Variants in FAM3D observed in about 807,000 individuals in gnomAD.
FAM3D encodes protein FAM3D.
FAM3D carries 26 observed loss-of-function variants against 29.8 expected under a neutral mutation model. The ratio of observed to expected loss-of-function variants is 0.87; its 90% CI spans 0.64 to 1.21. The LOEUF is 1.21. Among genes scored for constraint, FAM3D ranks in the 50% most tolerant of loss-of-function variants. The probability of loss-of-function intolerance (pLI) is 0.00; values close to 1 mark genes in which losing one functional copy is unlikely to be tolerated. For missense variants in FAM3D, 253 were observed against 290.9 expected (o/e 0.87, Z 0.95); for synonymous variants, 115 against 102.3 (o/e 1.12, Z -0.75).
intron 8 of FAM3D, 33 bp from the exon 9 acceptor site, chr3:58,636,453 G>C (rs779075510): frequency 1.9e-6 from 3 of 1,611,184 alleles, no homozygotes; most frequent in African/African-American, 1.3e-5. Flanking sequence ...GTCAGGATGC[G>C]GGGGTGGGTC....
At position 58,660,803 on chromosome 3, in the gene FAM3D, G is replaced by A. The variant is rs1157180463; in HGVS notation, c.-38-5202C>T. 1.3e-5 allele frequency among the ~76,000 whole-genome samples: 2 copies of A among 152,148 alleles called. 1 individual carries two copies. Among genetic ancestry groups the A allele is most frequent in the Non-Finnish European group, 2.9e-5 (2 of 68,034 alleles). ...AACGCCACATGCCAGATACTACCCT[G>A]AGACTCTGACTTATTTTAACTTGTT... On this transcript the variant is annotated intron_variant, in intron 1 of 9. Coordinates refer to ENST00000358781, the MANE Select transcript of FAM3D (RefSeq NM_138805.3).
At chr3:58,663,725 G>A (rs1480015163) in intron 1 of FAM3D, among the ~76,000 whole-genome samples, 2 of 152,106 alleles carry the variant, frequency 1.3e-5, no homozygotes, top group African/African-American at 4.8e-5. Flanking sequence ...AAGCCACACT[G>A]CTCCTGTCAT....
chr3:58,661,599 T>C (rs1312996036), intron 1 of FAM3D, among the ~76,000 whole-genome samples: 1 of 152,200 alleles, frequency 6.6e-6, no homozygotes, highest in Non-Finnish European at 1.5e-5. Context: ...GCCTGGGAAT[T>C]GGGAGTCTGT....
chr3:58,665,456 G>A (rs2067012192), intron 1 of FAM3D, among the ~76,000 whole-genome samples: 1 of 152,056 alleles, frequency 6.6e-6, no homozygotes, highest in Admixed American at 6.6e-5. Flanking sequence ...TATCTCCATG[G>A]TGTATGTCAA....
At chr3:58,663,132 C>T (rs2066964197) in intron 1 of FAM3D, among the ~76,000 whole-genome samples, 1 of 152,228 alleles carries the variant, frequency 6.6e-6, no homozygotes, top group Non-Finnish European at 1.5e-5. Flanking sequence ...CTCCTGACCT[C>T]AAGTGATCCA....
rs576484572 is a variant in FAM3D at position 58,634,907 on chromosome 3, G to A, written c.586-539C>T. 1.3e-5 allele frequency among the ~76,000 whole-genome samples: 2 copies of A among 152,138 alleles called. No individual in the cohort carries two copies. The highest frequency in any genetic ancestry group is 4.8e-5 in the African/African-American group (2 of 41,412). On this transcript the variant is annotated intron_variant, in intron 9 of 9. Coordinates refer to ENST00000358781, the MANE Select transcript of FAM3D (RefSeq NM_138805.3). This position sits in a 1 kb window ranked among gnomAD's most constrained non-coding sequence, Gnocchi z 4.6. The stretch of plus-strand genomic sequence containing the variant: ...CTAATAATAAGGGGTGGGGTGCAGT[G>A]GCTCACACCTATCATCCCAGCACTT...
In FAM3D at chr3:58,653,777, C is replaced by T. The variant is rs1171433268; in HGVS notation, c.18G>A (p.Val6=). The change falls in exon 3 of 10, where the codon GTG becomes GTA. Residue 6 remains valine (V), a synonymous_variant. Coordinates refer to ENST00000358781, the MANE Select transcript of FAM3D (RefSeq NM_138805.3). ...CAAAGATGAGGGCCAGGAGGCGAAGCACACCTGCTGAGCAAGGGGATGCTG... is the reference window on the plus strand; with the variant it reads ...CAAAGATGAGGGCCAGGAGGCGAAGTACACCTGCTGAGCAAGGGGATGCTG... MRVSG[V]LRLLALIFAI... is the part of the protein sequence containing the mutation. 21 of 1,613,220 alleles carry T rather than the reference C, an allele frequency of 1.3e-5. No homozygotes were observed. The highest frequency in any genetic ancestry group is 1.7e-5 in the Non-Finnish European group (20 of 1,179,852).
chr3:58,636,425 A>G lies in FAM3D; in HGVS notation c.459-5T>C. The G allele has an allele frequency of 6.2e-7, 1 of 1,613,886 alleles. No individual in the cohort carries two copies. Among genetic ancestry groups the G allele is most frequent in the Non-Finnish European group, 8.5e-7 (1 of 1,179,886 alleles). Reference sequence around the variant, plus strand: ...TTCCTGCTTTCATCGTTCATTCTGCAGAGGACCAGAGAGGATGGTCAGGAT... The same window carrying G: ...TTCCTGCTTTCATCGTTCATTCTGCGGAGGACCAGAGAGGATGGTCAGGAT... On this transcript the variant is annotated splice_polypyrimidine_tract_variant and splice_region_variant and intron_variant, in intron 8 of 9. Coordinates refer to ENST00000358781, the MANE Select transcript of FAM3D (RefSeq NM_138805.3).
At chr3:58,644,504 A>C (rs1368092082) in intron 5 of FAM3D, among the ~76,000 whole-genome samples, 4 of 152,218 alleles carry the variant, frequency 2.6e-5, no homozygotes, top group African/African-American at 7.2e-5. Context: ...CTCCTGCCAC[A>C]TGGAACTGTG....
At chr3:58,651,995 T>G (rs1212651479) in intron 3 of FAM3D, among the ~76,000 whole-genome samples, 1 of 152,232 alleles carries the variant, frequency 6.6e-6, no homozygotes, top group Non-Finnish European at 1.5e-5. Context: ...ACTGGTTTAC[T>G]TGCTGCCTTA....
At position 58,636,335 on chromosome 3, in the gene FAM3D, T is replaced by C. The variant is rs201458097; in HGVS notation, c.544A>G (p.Ile182Val). The C allele has an allele frequency of 1.1e-5, 18 of 1,614,212 alleles. No individual in the cohort carries two copies. Among genetic ancestry groups the C allele is most frequent in the South Asian group, 2.2e-5 (2 of 91,082 alleles). The stretch of plus-strand genomic sequence containing the variant: ...TTACCCCTGAGGTCTTTGGCTCCTA[T>C]GAAGACCCAGCTGTCCCGGAAGCCC... The part of the protein sequence containing the change: ...QLGFRDSWVF[I>V]GAKDLRGKSP... The change falls in exon 9 of 10, where the codon ATA (isoleucine) becomes GTA (valine). Residue 182 changes from isoleucine (I) to valine (V), a missense_variant. By Grantham distance (29) the Ile-to-Val change is conservative. Transcript: ENST00000358781.
intron 4 of FAM3D, 22 bp downstream of exon 4, chr3:58,649,293 G>C (rs780220018): frequency 1.9e-6 from 3 of 1,612,640 alleles, no homozygotes; most frequent in African/African-American, 1.3e-5. Flanking sequence ...CGGGGGAGGT[G>C]TGGGGCTGCA....
chr3:58,641,349 T>C (rs974581418), intron 6 of FAM3D, among the ~76,000 whole-genome samples: 4 of 151,998 alleles, frequency 2.6e-5, no homozygotes, highest in Non-Finnish European at 5.9e-5. Flanking sequence ...CTGTGTGACC[T>C]TGGGCAAGTT....
At chr3:58,655,501 G>A in intron 2 of FAM3D, 50 bp downstream of exon 2, 1 of 1,611,228 alleles carries the variant, frequency 6.2e-7, no homozygotes, top group East Asian at 2.2e-5. Context: ...CCCAGGATGG[G>A]TGGACACAGC....
intron 1 of FAM3D, chr3:58,657,558 G>T (rs1396920827): frequency 1.3e-5 from 2 of 152,492 alleles, no homozygotes; most frequent in African/African-American, 4.8e-5. Context: ...TCCTGTCCAT[G>T]CTGAGCAGGA....
At chr3:58,650,986 G>A (rs2066621654) in intron 3 of FAM3D, among the ~76,000 whole-genome samples, 1 of 149,594 alleles carries the variant, frequency 6.7e-6, no homozygotes, top group South Asian at 2.1e-4. Context: ...CAAAGTGCTG[G>A]GATTACAGGC....
intron 5 of FAM3D, among the ~76,000 whole-genome samples, chr3:58,644,765 G>C (rs2066429077): frequency 6.6e-6 from 1 of 151,964 alleles, no homozygotes; most frequent in Non-Finnish European, 1.5e-5. Flanking sequence ...GAAATCCCTT[G>C]CAAGTAGAAA....
At chr3:58,664,144 C>T (rs958888966) in intron 1 of FAM3D, among the ~76,000 whole-genome samples, 3 of 152,202 alleles carry the variant, frequency 2.0e-5, no homozygotes, top group Non-Finnish European at 4.4e-5. Context: ...CTCCTTAGGC[C>T]TCAGTAGTTC....
intron 6 of FAM3D, among the ~76,000 whole-genome samples, chr3:58,641,722 T>C (rs979851904): frequency 6.6e-6 from 1 of 152,164 alleles, no homozygotes; most frequent in Non-Finnish European, 1.5e-5. Context: ...ATATTGAGCA[T>C]AGCTCCATCC....
Sources: gnomAD v4.1 joint callset for allele counts (sites outside exome capture counted in the v4.1 genomes callset) on GRCh38, gnomAD v4.1.1 for gene constraint, Gnocchi (gnomAD v3.1) non-coding constraint, MANE v1.5 for transcripts, NCBI Gene and HGNC (gene_info 2026-07-23, HGNC 2026-07-21) for gene names.